TLL1: variants seen among roughly 807,000 people sequenced by gnomAD.
TLL1 encodes the protein tolloid-like protein 1.
Under a neutral mutation model 128.2 loss-of-function variants are expected in TLL1, and 49 were observed. That is an observed-to-expected ratio of 0.38 (90% CI 0.30 to 0.48). The LOEUF is 0.48. Ranked by LOEUF, TLL1 falls within the 20% of genes least tolerant of loss-of-function variation. The pLI is 0.96. For synonymous variants in TLL1, 454 were observed against 418.8 expected (o/e 1.08, Z -1.03); for missense variants, 1,123 against 1,242.0 (o/e 0.90, Z 1.44).
chr4:165,894,835 AATG>A (rs1196831942), intron 1 of TLL1, among the ~76,000 whole-genome samples: 7 of 141,622 alleles, frequency 4.9e-5, no homozygotes, highest in Admixed American at 2.9e-4. Context: ...GATTTTGTCA[AATG>A]ATGAGTGTGT....
chr4:166,028,207 C>T (rs543126654), intron 9 of TLL1, among the ~76,000 whole-genome samples: 1 of 152,166 alleles, frequency 6.6e-6, no homozygotes, highest in African/African-American at 2.4e-5. Context: ...CTCAGAAATA[C>T]TTTACCTGAA....
rs1379019397 is a variant in TLL1 at position 165,989,396 on chromosome 4, A to T, written c.185A>T (p.Asp62Val). 1 of 1,612,180 alleles carries T rather than the reference A, an allele frequency of 6.2e-7. No homozygotes were observed. Among genetic ancestry groups the T allele is most frequent in the Non-Finnish European group, 8.5e-7 (1 of 1,179,044 alleles). ...CTTTTTTTAGCTGTATTTTGGGGCG[A>T]TATTGCCTTAGATGATGAAGACTTA... ...DPCKAAVFWG[D>V]IALDDEDLNI... is the part of the protein sequence containing the mutation. Residue 62 changes from aspartate (D) to valine (V), a missense_variant, in exon 2 of 21, where the codon GAT (aspartate) becomes GTT (valine). Asp to Val is a radical substitution (Grantham distance 152, BLOSUM62 -3). Transcript: ENST00000061240.
At chr4:166,040,248 A>G (rs540515543) in intron 10 of TLL1, among the ~76,000 whole-genome samples, 1 of 152,348 alleles carries the variant, frequency 6.6e-6, no homozygotes, top group South Asian at 2.1e-4. Context: ...GAATGGGCAC[A>G]ATTGTATTAA....
chr4:165,923,792 T>C (rs978322591), intron 1 of TLL1, among the ~76,000 whole-genome samples: 23 of 152,264 alleles, frequency 1.5e-4, no homozygotes, highest in Admixed American at 7.2e-4. Flanking sequence ...CTGCATTTTT[T>C]TAACACAATT....
At chr4:165,976,106 T>C (rs962432283) in intron 1 of TLL1, among the ~76,000 whole-genome samples, 1 of 150,250 alleles carries the variant, frequency 6.7e-6, no homozygotes. Context: ...TTCAGTATTA[T>C]GGTTTGGATT....
intron 1 of TLL1, among the ~76,000 whole-genome samples, chr4:165,912,716 C>T (rs931469324): frequency 2.6e-5 from 4 of 152,140 alleles, no homozygotes; most frequent in African/African-American, 4.8e-5. Context: ...ACTCCGGTAT[C>T]GTTCTGTCAG....
At chr4:165,939,984 T>C (rs1467407184) in intron 1 of TLL1, among the ~76,000 whole-genome samples, 2 of 152,072 alleles carry the variant, frequency 1.3e-5, no homozygotes, top group Non-Finnish European at 2.9e-5. Flanking sequence ...TTGCATTCTC[T>C]TTTGTCTATT....
At chr4:165,907,750 G>A (rs182963914) in intron 1 of TLL1, among the ~76,000 whole-genome samples, 1 of 152,250 alleles carries the variant, frequency 6.6e-6, no homozygotes, top group Non-Finnish European at 1.5e-5. Flanking sequence ...TTTTCACCAT[G>A]TTGGCCAGGC....
rs138785523 is a variant in TLL1 at position 166,020,615 on chromosome 4, C to T, written c.1043-4701C>T. ...CCTACTCATAGGATTACTTTCCCTTCTTATTACTAAGATGCTTAATTTAAC... is the reference window on the plus strand; with the variant it reads ...CCTACTCATAGGATTACTTTCCCTTTTTATTACTAAGATGCTTAATTTAAC... On this transcript the variant is annotated intron_variant, in intron 8 of 20. Coordinates refer to ENST00000061240, the MANE Select transcript of TLL1 (RefSeq NM_012464.5). Among the ~76,000 whole-genome samples the T allele has an allele frequency of 4.3e-3, 660 of 152,236 alleles. 7 individuals carry two copies. Among genetic ancestry groups the T allele is most frequent in the African/African-American group, 0.015 (640 of 41,538 alleles).
Position 165,929,754 on chromosome 4 carries a change from C to T in TLL1, c.169+55681C>T, listed in dbSNP as rs1463056506. On this transcript the variant is annotated intron_variant, in intron 1 of 20. Transcript: ENST00000061240. ...GCCTAGCAGATAACTTTTTGTGACA[C>T]ATTATTCCTTGATGTCTGAGATTCT... 2.0e-5 allele frequency among the ~76,000 whole-genome samples: 3 copies of T among 152,176 alleles called. No homozygotes were observed. In the East Asian group the frequency reaches 5.8e-4, roughly 29 times the overall value.
intron 12 of TLL1, among the ~76,000 whole-genome samples, chr4:166,046,726 T>A (rs1006134385): frequency 2.6e-5 from 4 of 152,158 alleles, no homozygotes; most frequent in Non-Finnish European, 2.9e-5. Context: ...GGGTAAGAGT[T>A]CAGTATTAAT....
intron 5 of TLL1, among the ~76,000 whole-genome samples, chr4:165,999,640 ATT>A (rs34111701): frequency 6.5e-4 from 94 of 145,384 alleles, no homozygotes; most frequent in Middle Eastern, 3.6e-3. Context: ...TAATTTTTGT[ATT>A]TTTTTTTTTT....
chr4:166,096,830 A>G (rs1341287275), intron 19 of TLL1, among the ~76,000 whole-genome samples: 2 of 152,148 alleles, frequency 1.3e-5, no homozygotes, highest in African/African-American at 2.4e-5. Flanking sequence ...AATATTTTTC[A>G]CAAAATATTT....
intron 15 of TLL1, among the ~76,000 whole-genome samples, chr4:166,062,698 A>G (rs1489610480): frequency 6.6e-6 from 1 of 152,140 alleles, no homozygotes; most frequent in Non-Finnish European, 1.5e-5. Context: ...TTCCTAATTG[A>G]ATACCCTTTA....
intron 1 of TLL1, among the ~76,000 whole-genome samples, chr4:165,917,683 T>C (rs1377500585): frequency 6.6e-6 from 1 of 152,174 alleles, no homozygotes; most frequent in Non-Finnish European, 1.5e-5. Flanking sequence ...GCTCTTACAG[T>C]TGTTTACCCC....
chr4:166,031,043 G>A, intron 9 of TLL1: 1 of 880,116 alleles, frequency 1.1e-6, no homozygotes, highest in Non-Finnish European at 1.4e-6. Flanking sequence ...AATTTAATAA[G>A]TTAATACCCA....
intron 17 of TLL1, among the ~76,000 whole-genome samples, chr4:166,075,459 C>T (rs1368852643): frequency 6.6e-6 from 1 of 152,128 alleles, no homozygotes; most frequent in African/African-American, 2.4e-5. Flanking sequence ...AAAGGGAAGA[C>T]ATTTGAAAAT....
intron 8 of TLL1, among the ~76,000 whole-genome samples, chr4:166,023,444 C>G (rs1738337750): frequency 6.6e-6 from 1 of 152,112 alleles, no homozygotes; most frequent in African/African-American, 2.4e-5. Flanking sequence ...ACTCACCTTG[C>G]TGTCAATGAA....
intron 1 of TLL1, among the ~76,000 whole-genome samples, chr4:165,932,011 T>A (rs914037342): frequency 6.6e-6 from 1 of 152,144 alleles, no homozygotes; most frequent in Admixed American, 6.6e-5. Context: ...AGGTGATGGT[T>A]GGACAAGTAG....
Sources: allele counts gnomAD v4.1 joint callset (sites outside exome capture counted in the v4.1 genomes callset), GRCh38; gene constraint gnomAD v4.1.1; transcripts MANE v1.5; gene names NCBI Gene and HGNC (gene_info 2026-07-23, HGNC 2026-07-21).